Variants in PREX1 observed in about 807,000 individuals in gnomAD.
PREX1 encodes the protein phosphatidylinositol-3,4,5-trisphosphate dependent Rac exchange factor 1, also known as phosphatidylinositol 3,4,5-trisphosphate-dependent Rac exchanger 1 protein.
A neutral mutation model predicts 198.3 loss-of-function variants in PREX1; 41 were observed. The observed-to-expected ratio is 0.21, with a 90% confidence interval of 0.16 to 0.27. PREX1 has a LOEUF of 0.27. PREX1 is among the 10% of genes least tolerant of loss of function. The pLI is 1.00. For missense variants in PREX1, 1,620 were observed against 2,200.7 expected, an observed-to-expected ratio of 0.74 and a Z score of 5.28; for synonymous variants, 843 against 887.2, an observed-to-expected ratio of 0.95 and a Z score of 0.89.
chr20:48,862,191 A>G, the PREX1 span, among the ~76,000 whole-genome samples: 1 of 152,312 alleles, frequency 6.6e-6, no homozygotes, highest in East Asian at 1.9e-4. Flanking sequence ...CCTGGGCGAC[A>G]GAGCGAGACT....
At chr20:48,748,451 A>G (rs976997567) in intron 1 of PREX1, among the ~76,000 whole-genome samples, 1 of 151,950 alleles carries the variant, frequency 6.6e-6, no homozygotes, top group East Asian at 1.9e-4. Flanking sequence ...ATGCAAAAAC[A>G]AACACACACA....
At chr20:48,626,574 T>C (rs1019427645) in intron 39 of PREX1, among the ~76,000 whole-genome samples, 7 of 152,162 alleles carry the variant, frequency 4.6e-5, no homozygotes, top group Middle Eastern at 6.8e-3. Context: ...GGGGAAGCAA[T>C]TGGACAGTGC....
the PREX1 span, among the ~76,000 whole-genome samples, chr20:48,869,490 C>A: frequency 1.3e-5 from 2 of 151,962 alleles, no homozygotes; most frequent in Non-Finnish European, 2.9e-5. Context: ...ATTTAACCCA[C>A]CCCCATTTAG....
rs6125422 is a variant in PREX1, at chr20:48,657,874, T to C, written c.1974+262A>G. Among the ~76,000 whole-genome samples, 2,161 of 152,334 alleles carry C rather than the reference T, an allele frequency of 0.014. 66 individuals carry two copies. The highest frequency in any genetic ancestry group is 0.081 in the East Asian group (422 of 5,182). On this transcript the variant is annotated intron_variant, in intron 17 of 39. Transcript: ENST00000371941. ...AAAACTGAGACACCTGCTTTTTTCC[T>C]GTACCTCCCCACAATGTCCAGCAGA...
Position 48,827,771 on chromosome 20 carries a change from G to C in PREX1, c.90C>G (p.Pro30=). The part of the protein sequence containing the change: ...PDPRAPGAAA[P]SSGPGPCAAA... Reference sequence around the variant, plus strand: ...CCGCGCACGGGCCGGGGCCGGAGCTGGGCGCCGCGGCGCCAGGGGCCCGGG... The same window carrying C: ...CCGCGCACGGGCCGGGGCCGGAGCTCGGCGCCGCGGCGCCAGGGGCCCGGG... The change falls in exon 1 of 40, where the codon CCC becomes CCG. Residue 30 remains proline, a synonymous_variant. Coordinates refer to ENST00000371941, the MANE Select transcript of PREX1 (RefSeq NM_020820.4). The surrounding 1 kb of genome is among the most constrained non-coding windows in gnomAD (Gnocchi z 4.1). The C allele has an allele frequency of 8.6e-7, 1 of 1,168,434 alleles. No individual in the cohort carries two copies. 72.4% of individuals were successfully genotyped at this position (1,168,434 alleles called of 1,614,324 possible).
chr20:48,885,042 C>T, the PREX1 span, among the ~76,000 whole-genome samples: 2 of 152,200 alleles, frequency 1.3e-5, no homozygotes, highest in Non-Finnish European at 2.9e-5. Context: ...AATTACTCAA[C>T]CTCTCTCTGC....
At chr20:48,638,496 G>C (rs1410933583) in intron 30 of PREX1, among the ~76,000 whole-genome samples, 1 of 152,196 alleles carries the variant, frequency 6.6e-6, no homozygotes. Context: ...GCCCACAAAA[G>C]GGCTTAGAAA....
intron 5 of PREX1, among the ~76,000 whole-genome samples, chr20:48,714,926 G>C (rs966757251): frequency 1.4e-4 from 22 of 152,352 alleles, no homozygotes; most frequent in African/African-American, 5.3e-4. Context: ...GGCATAAAAT[G>C]TGGGTATCTT....
At chr20:48,859,982 C>T in the PREX1 span, among the ~76,000 whole-genome samples, 1 of 152,180 alleles carries the variant, frequency 6.6e-6, no homozygotes, top group Non-Finnish European at 1.5e-5. Flanking sequence ...TGCACCACTG[C>T]ACTCCAGCCT....
At chr20:48,758,283 G>C (rs971852734) in intron 1 of PREX1, among the ~76,000 whole-genome samples, 2 of 152,192 alleles carry the variant, frequency 1.3e-5, no homozygotes, top group Non-Finnish European at 2.9e-5. Context: ...ACTAGTTTAA[G>C]GGCAGTGGGG....
rs567757456 is a variant in PREX1 at position 48,625,859 on chromosome 20, C to T, written c.*26G>A. Reference sequence around the variant, plus strand: ...TCCCAAATCCCAGCTCCAGAGGCCGCGGCCCAGCGTGGGGCATTTGGGTGT... The same window carrying T: ...TCCCAAATCCCAGCTCCAGAGGCCGTGGCCCAGCGTGGGGCATTTGGGTGT... On this transcript the variant is annotated 3_prime_UTR_variant, in exon 40 of 40. Coordinates refer to ENST00000371941, the MANE Select transcript of PREX1 (RefSeq NM_020820.4). 9 of 1,549,960 alleles carry T rather than the reference C, an allele frequency of 5.8e-6. No homozygotes were observed. In the Admixed American group the frequency reaches 7.7e-5, roughly 13 times the overall value.
chr20:48,728,118 C>T (rs544267172), intron 4 of PREX1, among the ~76,000 whole-genome samples: 6 of 152,352 alleles, frequency 3.9e-5, no homozygotes, highest in East Asian at 1.9e-4. Flanking sequence ...AAAAGGGATT[C>T]CCATCCTATC....
At chr20:48,650,832 C>A in intron 23 of PREX1, 62 bp downstream of exon 23, 1 of 1,577,120 alleles carries the variant, frequency 6.3e-7, no homozygotes, top group South Asian at 1.2e-5. Context: ...ACCCAAATAT[C>A]CCAGGCTGAG....
chr20:48,745,302 T>C (rs1428287152), intron 2 of PREX1, among the ~76,000 whole-genome samples, 155 bp from the exon 3 acceptor site: 1 of 152,212 alleles, frequency 6.6e-6, no homozygotes, highest in Non-Finnish European at 1.5e-5. Context: ...GAAATCTTTG[T>C]AATAACAGAA....
chr20:48,720,791 T>C (rs1185611028), intron 5 of PREX1, among the ~76,000 whole-genome samples: 2 of 151,326 alleles, frequency 1.3e-5, no homozygotes, highest in Non-Finnish European at 2.9e-5. Context: ...GACCTCAGTA[T>C]CAGCCACTTT....
Position 48,812,888 on chromosome 20 carries a change from T to C in PREX1, c.219+14754A>G, listed in dbSNP as rs188653133. ...TATGCACAAGCAGTACCTGCTGTCG[T>C]GTACCAGGCTCAGACCAAATGCAAG... On this transcript the variant is annotated intron_variant, in intron 1 of 39. Coordinates refer to ENST00000371941, the MANE Select transcript of PREX1 (RefSeq NM_020820.4). Among the ~76,000 whole-genome samples, 241 of 152,378 alleles carry C rather than the reference T, an allele frequency of 1.6e-3. 3 individuals carry two copies. Among genetic ancestry groups the C allele is most frequent in the African/African-American group, 5.4e-3 (223 of 41,592 alleles).
At chr20:48,809,935 G>A (rs749343993) in intron 1 of PREX1, among the ~76,000 whole-genome samples, 1 of 152,188 alleles carries the variant, frequency 6.6e-6, no homozygotes, top group African/African-American at 2.4e-5. Flanking sequence ...CTGGGAAACA[G>A]ATTCGCACCC....
At position 48,670,869 on chromosome 20, in the gene PREX1, G is replaced by A. The variant is rs142320345; in HGVS notation, c.1666-4514C>T. Among the ~76,000 whole-genome samples the A allele has an allele frequency of 1.0e-3, 153 of 152,214 alleles. 2 individuals are homozygous for A. The East Asian group carries it at 0.027, about 27-fold the overall frequency. ...GGATCCTGGTGGCTGTGTGCCCTGC[G>A]GCAAGTTACATAACCCAAGCCTCAG... is the stretch of plus-strand genomic sequence containing the variant. On this transcript the variant is annotated intron_variant, in intron 14 of 39. Coordinates refer to ENST00000371941, the MANE Select transcript of PREX1 (RefSeq NM_020820.4).
chr20:48,650,538 G>T (rs2089486582), intron 23 of PREX1, among the ~76,000 whole-genome samples: 1 of 152,226 alleles, frequency 6.6e-6, no homozygotes, highest in Admixed American at 6.5e-5. Context: ...ATGGCGATTG[G>T]AACCAGGTGA....
Sources: gnomAD v4.1 joint callset for allele counts (sites outside exome capture counted in the v4.1 genomes callset) on GRCh38, gnomAD v4.1.1 for gene constraint, Gnocchi (gnomAD v3.1) non-coding constraint, MANE v1.5 for transcripts, NCBI Gene and HGNC (gene_info 2026-07-23, HGNC 2026-07-21) for gene names.